XKR9: variants seen among roughly 807,000 people sequenced by gnomAD.
XKR9 encodes XK-related protein 9.
XKR9 carries 32 observed loss-of-function variants against 32.0 expected under a neutral mutation model. The ratio of observed to expected loss-of-function variants is 1.00; its 90% CI spans 0.76 to 1.34. XKR9 has a LOEUF of 1.34. Among genes scored for constraint, XKR9 ranks in the 40% most tolerant of loss-of-function variants. XKR9 has a pLI of 0.00. For missense variants in XKR9, 546 were observed against 429.7 expected, an observed-to-expected ratio of 1.27 and a Z score of -2.39; for synonymous variants, 168 against 143.4, an observed-to-expected ratio of 1.17 and a Z score of -1.22.
the XKR9 span, among the ~76,000 whole-genome samples, chr8:70,871,564 A>G: frequency 6.6e-6 from 1 of 152,136 alleles, no homozygotes; most frequent in East Asian, 1.9e-4. Flanking sequence ...GGCACTGCAC[A>G]CCACCCTCAT....
chr8:70,829,223 T>C, the XKR9 span, among the ~76,000 whole-genome samples: 1 of 152,228 alleles, frequency 6.6e-6, no homozygotes, highest in East Asian at 1.9e-4. Context: ...TGCCTCAGTT[T>C]CTTATTTCGG....
At chr8:70,799,207 G>A in the XKR9 span, among the ~76,000 whole-genome samples, 1 of 152,000 alleles carries the variant, frequency 6.6e-6, no homozygotes, top group Non-Finnish European at 1.5e-5. Flanking sequence ...TCATTTGTTT[G>A]GGTCAGCTTT....
chr8:70,886,305 G>T, the XKR9 span, among the ~76,000 whole-genome samples: 2 of 152,166 alleles, frequency 1.3e-5, no homozygotes, highest in African/African-American at 4.8e-5. Context: ...GGGCATTTGG[G>T]TTGATTCCAA....
chr8:70,920,098 G>A, the XKR9 span, among the ~76,000 whole-genome samples: 35 of 152,040 alleles, frequency 2.3e-4, no homozygotes, highest in Non-Finnish European at 4.3e-4. Flanking sequence ...TATATTTTAT[G>A]GCTGCTGTAG....
At chr8:70,718,168 A>G (rs905211075) in intron 4 of XKR9, among the ~76,000 whole-genome samples, 4 of 152,154 alleles carry the variant, frequency 2.6e-5, no homozygotes, top group Non-Finnish European at 5.9e-5. Flanking sequence ...GTGTCAAACT[A>G]TCCCACATTT....
At chr8:70,992,807 G>A in the XKR9 span, among the ~76,000 whole-genome samples, 1 of 152,226 alleles carries the variant, frequency 6.6e-6, no homozygotes, top group South Asian at 2.1e-4. Flanking sequence ...ACCCACAGCA[G>A]CCTGGCAGAG....
At chr8:70,770,242 AC>A (rs577033839) in intron 2 of XKR9, among the ~76,000 whole-genome samples, 4 of 152,118 alleles carry the variant, frequency 2.6e-5, no homozygotes, top group Non-Finnish European at 5.9e-5. Context: ...TCCACTCCAG[AC>A]CCTGTTTTCC....
intron 2 of XKR9, among the ~76,000 whole-genome samples, chr8:70,755,164 G>A (rs1345283542): frequency 1.3e-5 from 2 of 152,316 alleles, no homozygotes; most frequent in African/African-American, 4.8e-5. Context: ...AAAAATGCTC[G>A]TCATGACTGG....
At chr8:70,975,061 C>A in the XKR9 span, among the ~76,000 whole-genome samples, 6 of 152,296 alleles carry the variant, frequency 3.9e-5, no homozygotes, top group East Asian at 1.2e-3. Context: ...CTGTTCACAT[C>A]ATTTGCCCAC....
intron 2 of XKR9, among the ~76,000 whole-genome samples, chr8:70,767,634 C>CT (rs1382705201): frequency 6.6e-6 from 1 of 151,084 alleles, no homozygotes; most frequent in Non-Finnish European, 1.5e-5. Context: ...GTAGCTGGGA[C>CT]TACAGGTGCC....
chr8:70,912,853 A>G, the XKR9 span, among the ~76,000 whole-genome samples: 1 of 152,298 alleles, frequency 6.6e-6, no homozygotes, highest in African/African-American at 2.4e-5. Flanking sequence ...TAGTTTTAAT[A>G]CCTTAAAAAG....
chr8:70,734,312 T>C lies in XKR9; in HGVS notation c.1010T>C (p.Ile337Thr), dbSNP rs410716. ...LTLLLGILFL[I>T]VYYGSFHPNR... Reference sequence around the variant, plus strand: ...CTTCTTCTTGGAATTCTTTTTCTTATTGTTTATTATGGGAGTTTTCACCCA... The same window carrying C: ...CTTCTTCTTGGAATTCTTTTTCTTACTGTTTATTATGGGAGTTTTCACCCA... The change falls in exon 5 of 5, where the codon ATT becomes ACT. Residue 337 changes from isoleucine to threonine, a missense_variant. Physicochemically the swap from Ile to Thr is moderately conservative, Grantham distance 89 (BLOSUM62 -1). Transcript: ENST00000408926. 6.2e-7 allele frequency: 1 copy of C among 1,612,540 alleles called. No homozygotes were observed.
the XKR9 span, among the ~76,000 whole-genome samples, chr8:71,005,225 CTTTT>C: frequency 7.7e-6 from 1 of 130,348 alleles, no homozygotes; most frequent in Non-Finnish European, 1.6e-5. Flanking sequence ...TTTTCTTTTT[CTTTT>C]TTTTTTTTTT....
the XKR9 span, among the ~76,000 whole-genome samples, chr8:70,956,769 G>A: frequency 1.1e-3 from 160 of 152,294 alleles, 1 homozygote; most frequent in Middle Eastern, 6.8e-3. Flanking sequence ...CCCAGGTTTG[G>A]CCATAACTTT....
At chr8:70,923,138 A>G in the XKR9 span, among the ~76,000 whole-genome samples, 6 of 152,350 alleles carry the variant, frequency 3.9e-5, no homozygotes, top group South Asian at 1.2e-3. Context: ...AAGGCTCTCT[A>G]TGACGGCCCA....
intron 4 of XKR9, among the ~76,000 whole-genome samples, chr8:70,713,858 A>G (rs1806002349): frequency 6.6e-6 from 1 of 152,160 alleles, no homozygotes; most frequent in Non-Finnish European, 1.5e-5. Flanking sequence ...AAAATTAGGT[A>G]TTGTATGTGT....
intron 2 of XKR9, among the ~76,000 whole-genome samples, chr8:70,756,092 T>G (rs972307261): frequency 2.0e-5 from 3 of 152,188 alleles, no homozygotes; most frequent in Non-Finnish European, 4.4e-5. Context: ...CCTATGGCTA[T>G]CCAGTTACCC....
chr8:70,748,683 C>T (rs373835059), intron 2 of XKR9, among the ~76,000 whole-genome samples: 1 of 152,158 alleles, frequency 6.6e-6, no homozygotes, highest in Non-Finnish European at 1.5e-5. Context: ...GGGCAGGTTC[C>T]CAGTGAAGCC....
At chr8:70,901,909 A>G in the XKR9 span, among the ~76,000 whole-genome samples, 1 of 152,178 alleles carries the variant, frequency 6.6e-6, no homozygotes, top group East Asian at 1.9e-4. Flanking sequence ...CATTTATTAA[A>G]TACGGAATCC....
Sources: allele counts gnomAD v4.1 joint callset (sites outside exome capture counted in the v4.1 genomes callset), GRCh38; gene constraint gnomAD v4.1.1; transcripts MANE v1.5; gene names NCBI Gene and HGNC (gene_info 2026-07-23, HGNC 2026-07-21).